IGF1R: variants seen among roughly 807,000 people sequenced by gnomAD.
IGF1R encodes insulin like growth factor 1 receptor, also known as insulin-like growth factor 1 receptor.
IGF1R carries 44 observed loss-of-function variants against 144.6 expected under a neutral mutation model. That is an observed-to-expected ratio of 0.30 (90% CI 0.24 to 0.39). IGF1R has a LOEUF of 0.39. Ranked by LOEUF, IGF1R falls within the 10% of genes least tolerant of loss-of-function variation. IGF1R has a pLI of 1.00. For missense variants in IGF1R, 1,355 were observed against 1,833.7 expected, an observed-to-expected ratio of 0.74 and a Z score of 4.77; for synonymous variants, 795 against 722.8, an observed-to-expected ratio of 1.10 and a Z score of -1.60.
At chr15:98,881,549 T>C (rs1191659057) in intron 2 of IGF1R, among the ~76,000 whole-genome samples, 1 of 152,198 alleles carries the variant, frequency 6.6e-6, no homozygotes, top group Non-Finnish European at 1.5e-5. Flanking sequence ...TCTTGAACTC[T>C]TGACCTCAGG....
chr15:98,929,673 CAA>C lies in IGF1R; in HGVS notation c.2885+15_2885+16del, dbSNP rs2015865281. ...TCCATAGAAAGAGGTCAGTGATGTG[CAA>C]AGTTATGACACTTTCTGTGGCTGAG... is the stretch of plus-strand genomic sequence containing the variant. On this transcript the variant is annotated intron_variant, in intron 14 of 20. Coordinates refer to ENST00000650285, the MANE Select transcript of IGF1R (RefSeq NM_000875.5). 2 of 1,546,478 alleles carry C rather than the reference CAA, an allele frequency of 1.3e-6. No homozygotes were observed. Among genetic ancestry groups the C allele is most frequent in the Non-Finnish European group, 1.8e-6 (2 of 1,118,342 alleles).
intron 2 of IGF1R, among the ~76,000 whole-genome samples, chr15:98,751,734 A>G (rs1024331836): frequency 1.1e-4 from 16 of 152,172 alleles, no homozygotes; most frequent in Admixed American, 2.6e-4. Flanking sequence ...TTGCTTTCCA[A>G]ACAGCTTACC....
chr15:98,701,533 G>A (rs1030024522), intron 1 of IGF1R, among the ~76,000 whole-genome samples: 1 of 151,732 alleles, frequency 6.6e-6, no homozygotes, highest in African/African-American at 2.4e-5. Context: ...GTAGAGATGG[G>A]GTTTCACCGT....
chr15:98,747,933 ATG>A (rs2054909907), intron 2 of IGF1R, among the ~76,000 whole-genome samples: 2 of 152,282 alleles, frequency 1.3e-5, no homozygotes, highest in African/African-American at 4.8e-5. Flanking sequence ...CATATATTTC[ATG>A]TGTGTGTTGG....
intron 2 of IGF1R, among the ~76,000 whole-genome samples, chr15:98,833,978 C>G (rs2057049060): frequency 6.6e-6 from 1 of 152,138 alleles, no homozygotes; most frequent in Non-Finnish European, 1.5e-5. Context: ...AGTATGGACC[C>G]TGAATACAAG....
At chr15:98,884,500 C>G (rs551449766) in intron 2 of IGF1R, among the ~76,000 whole-genome samples, 370 of 152,076 alleles carry the variant, frequency 2.4e-3, no homozygotes, top group African/African-American at 8.4e-3. Flanking sequence ...TGAGACCATC[C>G]TGGGTAACAC....
chr15:98,727,556 C>T (rs2054390180), intron 2 of IGF1R, among the ~76,000 whole-genome samples: 2 of 92,946 alleles, frequency 2.2e-5, no homozygotes, highest in East Asian at 3.4e-4. Context: ...GAGTATGGGG[C>T]TTGGGTGTCT....
chr15:98,730,213 T>C (rs1483160912), intron 2 of IGF1R, among the ~76,000 whole-genome samples: 1 of 152,142 alleles, frequency 6.6e-6, no homozygotes, highest in Non-Finnish European at 1.5e-5. Flanking sequence ...AAAGGTGATA[T>C]ACTACATCTG....
chr15:98,746,708 A>T (rs977855365), intron 2 of IGF1R, among the ~76,000 whole-genome samples: 1 of 152,166 alleles, frequency 6.6e-6, no homozygotes, highest in Non-Finnish European at 1.5e-5. Context: ...AGGTCTGCTG[A>T]TTAAATTTCC....
chr15:98,941,583 C>G (rs2016368069), intron 18 of IGF1R, among the ~76,000 whole-genome samples: 1 of 152,222 alleles, frequency 6.6e-6, no homozygotes, highest in Non-Finnish European at 1.5e-5. Context: ...TTGCATGTCA[C>G]TGTATTAATT....
Position 98,924,611 on chromosome 15 carries a change from C to A in IGF1R, c.2709C>A (p.Ala903=). 1 of 1,614,130 alleles carries A rather than the reference C, an allele frequency of 6.2e-7. No homozygotes were observed. Among genetic ancestry groups the A allele is most frequent in the Non-Finnish European group, 8.5e-7 (1 of 1,179,998 alleles). ...GGCTAAACCCGGGGAACTACACAGC[C>A]CGGATTCAGGCCACATCTCTCTCTG... ...LNRLNPGNYT[A]RIQATSLSGN... The change falls in exon 13 of 21, where the codon GCC becomes GCA. Residue 903 remains alanine (A), a synonymous_variant. Coordinates refer to ENST00000650285, the MANE Select transcript of IGF1R (RefSeq NM_000875.5).
rs1161790531 is a variant in IGF1R at position 98,960,943 on chromosome 15, C to T, written c.*3501C>T. On this transcript the variant is annotated 3_prime_UTR_variant, in exon 21 of 21. Coordinates refer to ENST00000650285, the MANE Select transcript of IGF1R (RefSeq NM_000875.5). The stretch of plus-strand genomic sequence containing the variant: ...GGGCTGTACCTCCGTCTCCCTGGTC[C>T]TGCTGCTCACAGGACAGACGGCTCG... 1 of 233,776 alleles carries T rather than the reference C, an allele frequency of 4.3e-6. No homozygotes were observed. The highest frequency in any genetic ancestry group is 8.5e-6 in the Non-Finnish European group (1 of 118,170). 14.5% of individuals were successfully genotyped at this position (233,776 alleles called of 1,614,324 possible). A position where few individuals can be genotyped will look rare whatever the true frequency, so the allele number is the denominator to read the frequency against.
chr15:98,701,476 A>G (rs1448278936), intron 1 of IGF1R, among the ~76,000 whole-genome samples: 1 of 151,786 alleles, frequency 6.6e-6, no homozygotes, highest in Admixed American at 6.6e-5. Flanking sequence ...AGCTGGGACT[A>G]CAGGTGCCCG....
In IGF1R at chr15:98,855,272, T is replaced by C. The variant is rs183720029; in HGVS notation, c.641-36053T>C. Among the ~76,000 whole-genome samples the C allele has an allele frequency of 6.2e-4, 95 of 152,340 alleles. No homozygotes were observed. In the East Asian group the frequency reaches 0.012, roughly 19 times the overall value. On this transcript the variant is annotated intron_variant, in intron 2 of 20. Transcript: ENST00000650285. ...GGCAGGCCTGTGTGTCTGACTCCAC[T>C]TCAGCGCTCTCAGCCAGCGTGGGCA... is the stretch of plus-strand genomic sequence containing the variant.
chr15:98,788,058 C>CTGTGTGTGTGTGTGTG (rs1462764560), intron 2 of IGF1R, among the ~76,000 whole-genome samples: 6 of 128,006 alleles, frequency 4.7e-5, no homozygotes, highest in African/African-American at 1.8e-4. Flanking sequence ...CTCTCTCTCT[C>CTGTGTGTGTGTGTGTG]TCTCTGTGTG....
intron 2 of IGF1R, among the ~76,000 whole-genome samples, chr15:98,734,418 A>G (rs1178782095): frequency 6.6e-6 from 1 of 152,160 alleles, no homozygotes; most frequent in Non-Finnish European, 1.5e-5. Flanking sequence ...ATGAAAACAT[A>G]CGGAGAGAAA....
intron 2 of IGF1R, chr15:98,734,636 G>A (rs1567101167): frequency 6.6e-6 from 1 of 152,186 alleles, no homozygotes; most frequent in Non-Finnish European, 1.5e-5. Context: ...TGTGTGTTTT[G>A]GACTAATTGG....
At chr15:98,832,183 A>G (rs2057014234) in intron 2 of IGF1R, among the ~76,000 whole-genome samples, 1 of 151,966 alleles carries the variant, frequency 6.6e-6, no homozygotes, top group Admixed American at 6.5e-5. Flanking sequence ...ATGTAATTCT[A>G]TTATTATGCA....
intron 10 of IGF1R, among the ~76,000 whole-genome samples, chr15:98,920,743 C>T (rs1279164849): frequency 6.6e-6 from 1 of 152,120 alleles, no homozygotes. Flanking sequence ...CTTGTTGGAA[C>T]GAGCATATCT....
Sources: allele counts gnomAD v4.1 joint callset (sites outside exome capture counted in the v4.1 genomes callset), GRCh38; gene constraint gnomAD v4.1.1; transcripts MANE v1.5; gene names NCBI Gene and HGNC (gene_info 2026-07-23, HGNC 2026-07-21).